GPC4: variants seen among roughly 807,000 people sequenced by gnomAD.
The protein encoded by GPC4 is glypican-4.
Under a neutral mutation model 35.0 loss-of-function variants are expected in GPC4, and 10 were observed. That is an observed-to-expected ratio of 0.29 (90% CI 0.18 to 0.48). The LOEUF is 0.48. Ranked by LOEUF, GPC4 falls within the 20% of genes least tolerant of loss-of-function variation. GPC4 has a pLI of 0.99. For missense variants in GPC4, 322 were observed against 451.3 expected, an observed-to-expected ratio of 0.71 and a Z score of 2.60; for synonymous variants, 167 against 170.2, an observed-to-expected ratio of 0.98 and a Z score of 0.15.
chrX:133,366,712 G>A (rs920319095), intron 1 of GPC4, among the ~76,000 whole-genome samples: 1 of 110,477 alleles, frequency 9.1e-6, no homozygotes, highest in African/African-American at 3.3e-5. Flanking sequence ...GCCAATTCAC[G>A]GTGAATTGAA....
intron 3 of GPC4, among the ~76,000 whole-genome samples, chrX:133,314,506 A>G (rs1284120533): frequency 8.9e-6 from 1 of 111,857 alleles, no homozygotes; most frequent in Non-Finnish European, 1.9e-5. Flanking sequence ...GTGCTGGCTC[A>G]TGCTCTGTAC....
At chrX:133,303,372 T>G (rs768679870) in intron 7 of GPC4, 31 bp from the exon 8 acceptor site, 2 of 1,153,055 alleles carry the variant, frequency 1.7e-6, no homozygotes, top group Non-Finnish European at 2.3e-6. Flanking sequence ...AGTAAGATGA[T>G]TCGTAAAGCG....
At chrX:133,359,168 G>C (rs960923273) in intron 1 of GPC4, among the ~76,000 whole-genome samples, 1 of 111,154 alleles carries the variant, frequency 9.0e-6, no homozygotes. Flanking sequence ...TGATGGGAGA[G>C]GAAAAGTACA....
At chrX:133,355,416 T>C (rs1359284436) in intron 1 of GPC4, among the ~76,000 whole-genome samples, 1 of 112,157 alleles carries the variant, frequency 8.9e-6, no homozygotes, top group Non-Finnish European at 1.9e-5. Flanking sequence ...ATTGTTTCGT[T>C]ATTATGAGAT....
chrX:133,363,236 A>G (rs1319636836), intron 1 of GPC4, among the ~76,000 whole-genome samples: 1 of 110,649 alleles, frequency 9.0e-6, no homozygotes, highest in Non-Finnish European at 1.9e-5. Context: ...AGGTCTCACT[A>G]TGTTGCCCAG....
intron 1 of GPC4, among the ~76,000 whole-genome samples, chrX:133,392,761 T>C (rs571062837): frequency 4.5e-5 from 5 of 110,421 alleles, no homozygotes; most frequent in African/African-American, 1.6e-4. Flanking sequence ...CTTCCGCTTA[T>C]ATAGCCCTCC....
chrX:133,330,213 G>C (rs2068412876), intron 2 of GPC4, among the ~76,000 whole-genome samples: 1 of 110,908 alleles, frequency 9.0e-6, no homozygotes, highest in Admixed American at 9.6e-5. Context: ...TACTATAAAT[G>C]CTGTATTTCA....
At chrX:133,319,903 A>G (rs1008330980) in intron 3 of GPC4, among the ~76,000 whole-genome samples, 2 of 112,041 alleles carry the variant, frequency 1.8e-5, no homozygotes, top group African/African-American at 6.5e-5. Flanking sequence ...GTATGCAAGT[A>G]TGCCTTGCAT....
chrX:133,341,169 C>A (rs2068465296), intron 1 of GPC4, among the ~76,000 whole-genome samples: 1 of 111,574 alleles, frequency 9.0e-6, no homozygotes, highest in Non-Finnish European at 1.9e-5. Context: ...CACAGCAGGC[C>A]TTCGGTACTG....
At chrX:133,374,467 G>C (rs2068625367) in intron 1 of GPC4, among the ~76,000 whole-genome samples, 1 of 111,909 alleles carries the variant, frequency 8.9e-6, no homozygotes, top group Admixed American at 9.5e-5. Flanking sequence ...ACTTCTTTAA[G>C]TAAGGAAACC....
intron 1 of GPC4, among the ~76,000 whole-genome samples, chrX:133,340,767 AAATAATTATAT>A (rs1256717422): frequency 8.9e-6 from 1 of 112,036 alleles, no homozygotes; most frequent in East Asian, 2.8e-4. Flanking sequence ...GCACATATGC[AAATAATTATAT>A]AATCATATAT....
intron 1 of GPC4, among the ~76,000 whole-genome samples, chrX:133,367,215 A>C (rs1308358628): frequency 2.7e-5 from 3 of 112,210 alleles, no homozygotes. Flanking sequence ...GACAACTTGC[A>C]GTCAATACCC....
At chrX:133,320,134 A>C (rs1438222480) in intron 3 of GPC4, among the ~76,000 whole-genome samples, 1 of 111,870 alleles carries the variant, frequency 8.9e-6, no homozygotes, top group Admixed American at 9.5e-5. Flanking sequence ...CACAATACTT[A>C]AAGTAGCCAC....
intron 1 of GPC4, among the ~76,000 whole-genome samples, chrX:133,371,953 GC>G (rs1239423180): frequency 9.0e-6 from 1 of 111,242 alleles, no homozygotes; most frequent in Non-Finnish European, 1.9e-5. Context: ...GGTATGGAAG[GC>G]CGGGCGCGGT....
chrX:133,389,085 T>C (rs1014917991), intron 1 of GPC4, among the ~76,000 whole-genome samples: 1 of 106,155 alleles, frequency 9.4e-6, no homozygotes, highest in East Asian at 3.2e-4. Context: ...GCCTCCTGAA[T>C]ACCTGGAACT....
intron 1 of GPC4, among the ~76,000 whole-genome samples, chrX:133,347,404 T>C (rs1256982774): frequency 3.7e-5 from 4 of 109,443 alleles, no homozygotes; most frequent in Admixed American, 9.8e-5. Context: ...GGGAGCTGTA[T>C]TAAGCTATTA....
intron 1 of GPC4, among the ~76,000 whole-genome samples, chrX:133,369,981 T>C (rs1286270380): frequency 8.9e-6 from 1 of 111,931 alleles, no homozygotes; most frequent in African/African-American, 3.2e-5. Flanking sequence ...CATCAACTAG[T>C]TGATTACTTC....
At chrX:133,409,669 G>A (rs769078671) in intron 1 of GPC4, among the ~76,000 whole-genome samples, 1 of 111,862 alleles carries the variant, frequency 8.9e-6, no homozygotes, top group Non-Finnish European at 1.9e-5. Context: ...GGTTCCAACA[G>A]GGAATTAGGA....
intron 1 of GPC4, among the ~76,000 whole-genome samples, chrX:133,413,633 C>T (rs758208775): frequency 0.017 from 1,864 of 110,371 alleles, 18 homozygotes; most frequent in Middle Eastern, 0.061. Flanking sequence ...AGGCTCAGCC[C>T]CCCCCCCGGG....
Sources: gnomAD v4.1 joint callset for allele counts (sites outside exome capture counted in the v4.1 genomes callset) on GRCh38, gnomAD v4.1.1 for gene constraint, MANE v1.5 for transcripts, NCBI Gene and HGNC (gene_info 2026-07-23, HGNC 2026-07-21) for gene names.